The following VWA3B variants were observed in gnomAD, a reference collection of about 807,000 sequenced individuals.
The protein encoded by VWA3B is von Willebrand factor A domain-containing protein 3B.
In VWA3B, 138 loss-of-function variants were observed where a neutral mutation model predicts 158.3. The ratio of observed to expected loss-of-function variants is 0.87; its 90% CI spans 0.76 to 1.00. The LOEUF is 1.00. Among genes scored for constraint, VWA3B ranks in the 50% least tolerant of loss-of-function variants. The pLI, the probability that VWA3B is intolerant of heterozygous loss-of-function variation, is 0.00. For synonymous variants in VWA3B, 596 were observed against 587.3 expected (o/e 1.01, Z -0.21); for missense variants, 1,555 against 1,565.1 (o/e 0.99, Z 0.11).
At chr2:98,287,840 C>G (rs1689252263) in intron 22 of VWA3B, among the ~76,000 whole-genome samples, 1 of 152,140 alleles carries the variant, frequency 6.6e-6, no homozygotes, top group African/African-American at 2.4e-5. Flanking sequence ...TCTCTGCGTT[C>G]TTCCAATTGG....
chr2:98,129,220 A>AGTGTGT (rs1573847583), intron 6 of VWA3B, among the ~76,000 whole-genome samples: 2 of 115,908 alleles, frequency 1.7e-5, no homozygotes, highest in Admixed American at 8.1e-5. Flanking sequence ...AGAGAGAGAG[A>AGTGTGT]GAGAGTGTGT....
intron 2 of VWA3B, among the ~76,000 whole-genome samples, chr2:98,113,840 C>T (rs1052318575): frequency 6.6e-6 from 1 of 152,164 alleles, no homozygotes; most frequent in South Asian, 2.1e-4. Flanking sequence ...AGCACCAATA[C>T]TTTATTCCTT....
chr2:98,146,861 G>A (rs559142693), intron 7 of VWA3B, among the ~76,000 whole-genome samples: 22 of 152,178 alleles, frequency 1.4e-4, no homozygotes, highest in Non-Finnish European at 2.8e-4. Flanking sequence ...AAGTATAAAC[G>A]TTCCAAGATG....
intron 2 of VWA3B, among the ~76,000 whole-genome samples, chr2:98,103,060 A>G (rs908080347): frequency 1.3e-5 from 2 of 152,196 alleles, no homozygotes; most frequent in Non-Finnish European, 2.9e-5. Flanking sequence ...TGCCCTTAAC[A>G]GCCTTTTAAT....
intron 22 of VWA3B, among the ~76,000 whole-genome samples, chr2:98,272,724 G>T (rs1688278647): frequency 6.6e-6 from 1 of 152,074 alleles, no homozygotes; most frequent in South Asian, 2.1e-4. Context: ...TGGAAGAAAA[G>T]AAATGTATAT....
chr2:98,113,064 G>GTT, intron 2 of VWA3B, among the ~76,000 whole-genome samples: 1 of 151,012 alleles, frequency 6.6e-6, no homozygotes, highest in African/African-American at 2.4e-5. Context: ...TATATATAAT[G>GTT]TTTATGGTAT....
chr2:98,325,286 C>T, the VWA3B span, among the ~76,000 whole-genome samples: 122 of 152,186 alleles, frequency 8.0e-4, no homozygotes, highest in East Asian at 0.016. Flanking sequence ...GAATAAAAAA[C>T]GACACATCAC....
At chr2:98,102,599 A>G (rs1683165277) in intron 2 of VWA3B, among the ~76,000 whole-genome samples, 1 of 152,232 alleles carries the variant, frequency 6.6e-6, no homozygotes, top group Non-Finnish European at 1.5e-5. Flanking sequence ...TAATTCAGTC[A>G]AGGAAGTTAG....
intron 4 of VWA3B, among the ~76,000 whole-genome samples, chr2:98,120,458 T>G (rs1267520386): frequency 1.3e-5 from 2 of 152,228 alleles, no homozygotes; most frequent in Non-Finnish European, 2.9e-5. Flanking sequence ...TCTATCTAGC[T>G]TCCTATTTCT....
chr2:98,171,213 C>T (rs1044065446), intron 8 of VWA3B, among the ~76,000 whole-genome samples: 6 of 152,116 alleles, frequency 3.9e-5, no homozygotes, highest in Admixed American at 2.6e-4. Context: ...AGACATGGAA[C>T]GGGCCCTCAT....
intron 2 of VWA3B, among the ~76,000 whole-genome samples, chr2:98,097,247 C>T (rs1171395078): frequency 1.3e-5 from 2 of 152,132 alleles, no homozygotes; most frequent in Non-Finnish European, 2.9e-5. Flanking sequence ...TTATTCCTCA[C>T]CGCATCCTCC....
chr2:98,143,049 T>A (rs998542201), intron 7 of VWA3B, among the ~76,000 whole-genome samples: 3 of 152,110 alleles, frequency 2.0e-5, no homozygotes, highest in Non-Finnish European at 2.9e-5. Flanking sequence ...ATATATATAT[T>A]TGTTTGTTTT....
intron 26 of VWA3B, among the ~76,000 whole-genome samples, chr2:98,310,602 G>A (rs1241548827): frequency 6.6e-6 from 1 of 152,218 alleles, no homozygotes; most frequent in African/African-American, 2.4e-5. Flanking sequence ...GAGAGAGGTA[G>A]CAATTTGAGG....
chr2:98,206,742 T>A, intron 12 of VWA3B: 1 of 328,006 alleles, frequency 3.0e-6, no homozygotes, highest in Middle Eastern at 8.6e-4. Context: ...TAGCCAAGAG[T>A]GGCAAAATTG....
chr2:98,143,750 T>C (rs1038976103), intron 7 of VWA3B, among the ~76,000 whole-genome samples: 2 of 146,010 alleles, frequency 1.4e-5, no homozygotes, highest in Non-Finnish European at 3.0e-5. Flanking sequence ...TTCTTTTCTT[T>C]TCTTTTTTTT....
chr2:98,327,521 T>C, the VWA3B span, among the ~76,000 whole-genome samples: 11 of 152,238 alleles, frequency 7.2e-5, no homozygotes, highest in East Asian at 1.9e-4. Flanking sequence ...AAGACTGTTT[T>C]AACAATCAAA....
At chr2:98,242,865 T>C (rs1228895028) in intron 19 of VWA3B, among the ~76,000 whole-genome samples, 1 of 151,556 alleles carries the variant, frequency 6.6e-6, no homozygotes. Flanking sequence ...TGCTGTCAAG[T>C]CATGACATTT....
rs958085370 is a variant in VWA3B at position 98,117,784 on chromosome 2, C to G, written c.292-1729C>G. 1.3e-4 allele frequency among the ~76,000 whole-genome samples: 17 copies of G among 134,398 alleles called. No homozygotes were observed. The East Asian group carries it at 3.5e-3, about 28-fold the overall frequency. The allele number at this position is 134,398 out of a possible 152,430, so 88.2% of individuals were successfully genotyped here. ...TTTTTTTTTTTGATGGAGTTTCACT[C>G]TGTCACCCAGGCTGGAGTGCAGTGG... is the stretch of plus-strand genomic sequence containing the variant. On this transcript the variant is annotated intron_variant, in intron 3 of 27. Coordinates refer to ENST00000477737, the MANE Select transcript of VWA3B (RefSeq NM_144992.5).
chr2:98,121,693 CA>C (rs1674981062), intron 5 of VWA3B, among the ~76,000 whole-genome samples: 5 of 152,124 alleles, frequency 3.3e-5, no homozygotes, highest in Admixed American at 3.3e-4. Context: ...ACTGGGGATG[CA>C]GGGTAGACCC....
Sources: allele counts gnomAD v4.1 joint callset (sites outside exome capture counted in the v4.1 genomes callset), GRCh38; gene constraint gnomAD v4.1.1; transcripts MANE v1.5; gene names NCBI Gene and HGNC (gene_info 2026-07-23, HGNC 2026-07-21).